The following ELMO1 variants were observed in gnomAD, a reference collection of about 807,000 sequenced individuals.
ELMO1 encodes engulfment and cell motility 1, also known as engulfment and cell motility protein 1.
ELMO1 carries 26 observed loss-of-function variants against 98.9 expected under a neutral mutation model. The observed-to-expected ratio is 0.26, with a 90% confidence interval of 0.19 to 0.36. ELMO1 has a LOEUF of 0.36. Ranked by LOEUF, ELMO1 falls within the 10% of genes least tolerant of loss-of-function variation. The probability of loss-of-function intolerance (pLI) is 1.00; values close to 1 mark genes in which losing one functional copy is unlikely to be tolerated. For synonymous variants in ELMO1, 346 were observed against 346.0 expected (o/e 1.00, Z 0.00); for missense variants, 627 against 935.2 (o/e 0.67, Z 4.30).
chr7:37,374,566 A>G (rs1430877768), intron 1 of ELMO1, among the ~76,000 whole-genome samples: 2 of 151,616 alleles, frequency 1.3e-5, no homozygotes, highest in African/African-American at 4.9e-5. Context: ...CCTGGCTACT[A>G]TGGCGAAATT....
chr7:37,157,384 T>A (rs894125870), intron 13 of ELMO1, among the ~76,000 whole-genome samples: 3 of 152,326 alleles, frequency 2.0e-5, no homozygotes, highest in African/African-American at 7.2e-5. Context: ...TTGTCTCTGC[T>A]TGCAGATGAC....
chr7:37,309,194 G>A (rs765540621), intron 4 of ELMO1, among the ~76,000 whole-genome samples: 114 of 152,272 alleles, frequency 7.5e-4, no homozygotes, highest in Non-Finnish European at 1.5e-3. Flanking sequence ...GGTGGAAGGC[G>A]AAAGGCACAT....
rs187238051 is a variant in ELMO1, at chr7:37,059,904, G to A, written c.1300+36715C>T. ...CAGGGGCAGGCACAGAACTACACAT[G>A]GGCCACCTGTTGGCGTTTATTTCTG... On this transcript the variant is annotated intron_variant, in intron 15 of 21. Coordinates refer to ENST00000310758, the MANE Select transcript of ELMO1 (RefSeq NM_014800.11). Among the ~76,000 whole-genome samples the A allele has an allele frequency of 1.3e-3, 201 of 152,326 alleles. 1 individual carries two copies. The highest frequency in any genetic ancestry group is 6.8e-3 in the Middle Eastern group (2 of 294).
chr7:37,316,007 T>C (rs1799134736), intron 2 of ELMO1, 47 bp from the exon 3 acceptor site: 1 of 1,378,408 alleles, frequency 7.3e-7, no homozygotes, highest in Non-Finnish European at 1.0e-6. Context: ...CGTTTCATCA[T>C]TTTAAATTAA....
At chr7:37,284,190 C>T (rs1339770807) in intron 4 of ELMO1, among the ~76,000 whole-genome samples, 1 of 152,108 alleles carries the variant, frequency 6.6e-6, no homozygotes, top group Non-Finnish European at 1.5e-5. Context: ...TCCCACGTGA[C>T]CCTGGGCATG....
intron 15 of ELMO1, among the ~76,000 whole-genome samples, chr7:37,021,922 T>C (rs890008212): frequency 4.6e-5 from 7 of 152,062 alleles, no homozygotes; most frequent in Admixed American, 1.3e-4. Flanking sequence ...GGTGTATGGA[T>C]GGAAAAACAG....
intron 16 of ELMO1, among the ~76,000 whole-genome samples, chr7:36,944,639 G>T (rs1489096093): frequency 6.6e-6 from 1 of 152,168 alleles, no homozygotes; most frequent in Non-Finnish European, 1.5e-5. Flanking sequence ...CAGTTTCTCT[G>T]ATGACCGGAG....
chr7:37,258,308 G>A (rs146231182), intron 6 of ELMO1, among the ~76,000 whole-genome samples: 44 of 152,134 alleles, frequency 2.9e-4, no homozygotes, highest in African/African-American at 8.7e-4. Flanking sequence ...GGGTGTGGTG[G>A]CACATGCCTG....
chr7:37,198,116 A>G (rs1166061425), intron 13 of ELMO1, among the ~76,000 whole-genome samples: 2 of 152,246 alleles, frequency 1.3e-5, no homozygotes, highest in Non-Finnish European at 1.5e-5. Context: ...GCAAAAATAC[A>G]GAGCAAAAAA....
intron 14 of ELMO1, among the ~76,000 whole-genome samples, chr7:37,123,138 G>C (rs1460756370): frequency 2.6e-5 from 4 of 152,170 alleles, no homozygotes; most frequent in Non-Finnish European, 5.9e-5. Context: ...TTAAAGCAGT[G>C]TGTAGAGGGA....
intron 16 of ELMO1, among the ~76,000 whole-genome samples, chr7:36,938,792 A>G (rs1041852593): frequency 6.6e-6 from 1 of 151,504 alleles, no homozygotes; most frequent in Non-Finnish European, 1.5e-5. Context: ...GCTACCTAGA[A>G]TGTAAGGTCC....
At chr7:36,942,935 G>T (rs1347491982) in intron 16 of ELMO1, among the ~76,000 whole-genome samples, 1 of 152,244 alleles carries the variant, frequency 6.6e-6, no homozygotes, top group Non-Finnish European at 1.5e-5. Flanking sequence ...AGTCCTGACA[G>T]CACGCCACTG....
chr7:37,431,654 C>A (rs1462530968), intron 1 of ELMO1, among the ~76,000 whole-genome samples: 1 of 152,170 alleles, frequency 6.6e-6, no homozygotes, highest in Non-Finnish European at 1.5e-5. Flanking sequence ...GAAATGTATT[C>A]TGTTAATCTT....
chr7:37,257,800 G>A (rs1275291225), intron 6 of ELMO1, among the ~76,000 whole-genome samples: 1 of 150,080 alleles, frequency 6.7e-6, no homozygotes, highest in East Asian at 2.0e-4. Context: ...AAGAGATCGA[G>A]ACCATCTGGC....
intron 14 of ELMO1, among the ~76,000 whole-genome samples, chr7:37,097,508 C>T (rs562617844): frequency 9.1e-4 from 139 of 151,976 alleles, no homozygotes; most frequent in African/African-American, 3.2e-3. Flanking sequence ...CACTTGAACC[C>T]GGGAAGCGGA....
chr7:37,135,486 G>A (rs1366682333), intron 13 of ELMO1, among the ~76,000 whole-genome samples: 1 of 152,158 alleles, frequency 6.6e-6, no homozygotes, highest in African/African-American at 2.4e-5. Context: ...TCACTCCCCT[G>A]CTAACTCCAC....
At position 36,855,248 on chromosome 7, in the gene ELMO1, G is replaced by T; in HGVS notation, c.*303C>A. ...GGGAAGGAAGGGCATGCCTGCAGAG[G>T]GCTAGGATGGAAGGGCCCTTTGGCC... On this transcript the variant is annotated 3_prime_UTR_variant, in exon 22 of 22. Coordinates refer to ENST00000310758, the MANE Select transcript of ELMO1 (RefSeq NM_014800.11). The surrounding 1 kb of genome is among the most constrained non-coding windows in gnomAD (Gnocchi z 4.2). 2.4e-6 allele frequency: 1 copy of T among 416,404 alleles called. No homozygotes were observed. Among genetic ancestry groups the T allele is most frequent in the South Asian group, 2.3e-5 (1 of 44,174 alleles). 25.8% of individuals were successfully genotyped at this position (416,404 alleles called of 1,614,324 possible). A position where few individuals can be genotyped will look rare whatever the true frequency, so the allele number is the denominator to read the frequency against.
intron 16 of ELMO1, among the ~76,000 whole-genome samples, chr7:36,914,507 A>G (rs990656323): frequency 2.7e-5 from 4 of 150,410 alleles, no homozygotes; most frequent in Admixed American, 6.7e-5. Context: ...TATGAAATGA[A>G]TGTACATTCT....
At chr7:37,092,919 T>C (rs1220452965) in intron 15 of ELMO1, among the ~76,000 whole-genome samples, 1 of 151,220 alleles carries the variant, frequency 6.6e-6, no homozygotes, top group Non-Finnish European at 1.5e-5. Context: ...CTTTTTCTTT[T>C]TTTTTTTTTT....
Sources: allele counts gnomAD v4.1 joint callset (sites outside exome capture counted in the v4.1 genomes callset), GRCh38; gene constraint gnomAD v4.1.1; non-coding constraint Gnocchi (gnomAD v3.1); transcripts MANE v1.5; gene names NCBI Gene and HGNC (gene_info 2026-07-23, HGNC 2026-07-21).